The following CSMD3 variants were observed in gnomAD, a reference collection of about 807,000 sequenced individuals.
The protein encoded by CSMD3 is CUB and sushi domain-containing protein 3.
A neutral mutation model predicts 435.2 loss-of-function variants in CSMD3; 177 were observed. The ratio of observed to expected loss-of-function variants is 0.41; its 90% CI spans 0.36 to 0.46. The LOEUF is 0.46. Among genes scored for constraint, CSMD3 ranks in the 20% least tolerant of loss-of-function variants. The pLI is 0.34. For synonymous variants in CSMD3, 1,656 were observed against 1,520.5 expected (o/e 1.09, Z -2.07); for missense variants, 4,265 against 4,504.6 (o/e 0.95, Z 1.52).
chr8:113,021,925 A>G (rs1587906506), intron 5 of CSMD3, among the ~76,000 whole-genome samples: 1 of 152,210 alleles, frequency 6.6e-6, no homozygotes, highest in Non-Finnish European at 1.5e-5. Context: ...AGATAAGCCA[A>G]GAAACTGAAC....
intron 13 of CSMD3, among the ~76,000 whole-genome samples, chr8:112,724,450 G>T (rs9649935): frequency 0.33 from 50,513 of 151,890 alleles, 9,265 homozygotes; most frequent in African/African-American, 0.5. Flanking sequence ...ATCATGAAAT[G>T]ATGAGAGAAA....
chr8:112,422,562 T>C (rs1403021947), intron 32 of CSMD3, among the ~76,000 whole-genome samples: 2 of 152,184 alleles, frequency 1.3e-5, no homozygotes, highest in Non-Finnish European at 2.9e-5. Flanking sequence ...TGTGTGCCCT[T>C]GAACATGCTA....
rs2075529906 is a variant in CSMD3 at position 112,666,524 on chromosome 8, TA to T, written c.2678-110del. ...CAAGTCTCTGCATATCCTTATTAAA[TA>T]GTTAATACTATTTTTGAAAGCAATG... On this transcript the variant is annotated intron_variant, in intron 16 of 70. Transcript: ENST00000297405. 4.5e-6 allele frequency: 4 copies of T among 891,388 alleles called. No homozygotes were observed. The African/African-American group carries it at 6.7e-5, about 15-fold the overall frequency. 55.2% of individuals were successfully genotyped at this position (891,388 alleles called of 1,614,324 possible).
At chr8:112,775,799 TCC>T (rs2078231555) in intron 13 of CSMD3, among the ~76,000 whole-genome samples, 2 of 152,028 alleles carry the variant, frequency 1.3e-5, no homozygotes, top group East Asian at 3.9e-4. Flanking sequence ...TTAACTATCT[TCC>T]ATCTTTGCAT....
intron 41 of CSMD3, 140 bp downstream of exon 41, chr8:112,345,957 C>T: frequency 1.5e-6 from 1 of 677,726 alleles, no homozygotes; most frequent in Non-Finnish European, 2.7e-6. Flanking sequence ...TTTCACTCTT[C>T]AATTTACATA....
Position 112,733,731 on chromosome 8 carries a change from G to A in CSMD3, c.1973-43681C>T, listed in dbSNP as rs376928096. 4.7e-4 allele frequency among the ~76,000 whole-genome samples: 72 copies of A among 152,068 alleles called. No homozygotes were observed. In the South Asian group the frequency reaches 0.015, roughly 31 times the overall value. On this transcript the variant is annotated intron_variant, in intron 13 of 70. Transcript: ENST00000297405. ...GTTAGTTCTAGTAAGAAAAAGACCA[G>A]TGAGAGAGATATAGCAAAGGAAGAG... is the stretch of plus-strand genomic sequence containing the variant.
At chr8:112,310,227 T>A in intron 50 of CSMD3, 1 of 152,370 alleles carries the variant, frequency 6.6e-6, no homozygotes, top group Non-Finnish European at 1.5e-5. Context: ...TTTGTTTTGT[T>A]TTGTTTTTTG....
At chr8:112,449,270 A>G (rs1815990717) in intron 32 of CSMD3, among the ~76,000 whole-genome samples, 1 of 152,302 alleles carries the variant, frequency 6.6e-6, no homozygotes, top group African/African-American at 2.4e-5. Flanking sequence ...AGGAAAAAAG[A>G]TTTATTTTGT....
At chr8:112,534,114 C>T (rs1305376304) in intron 27 of CSMD3, among the ~76,000 whole-genome samples, 2 of 151,984 alleles carry the variant, frequency 1.3e-5, no homozygotes, top group Admixed American at 1.3e-4. Flanking sequence ...ATTAAAAGAA[C>T]TAGAAAAGCA....
At chr8:112,284,421 TA>T (rs1189469338) in intron 58 of CSMD3, among the ~76,000 whole-genome samples, 2 of 151,866 alleles carry the variant, frequency 1.3e-5, no homozygotes, top group East Asian at 1.9e-4. Context: ...GTCCTAGTAT[TA>T]TTTTTTTGTG....
intron 59 of CSMD3, among the ~76,000 whole-genome samples, chr8:112,276,327 G>A (rs1005617630): frequency 6.6e-5 from 10 of 152,218 alleles, no homozygotes; most frequent in African/African-American, 1.4e-4. Context: ...TTGAGTAACT[G>A]TGACTTTTCC....
intron 25 of CSMD3, among the ~76,000 whole-genome samples, chr8:112,554,406 G>T (rs899965937): frequency 6.6e-6 from 1 of 151,788 alleles, no homozygotes; most frequent in Non-Finnish European, 1.5e-5. Flanking sequence ...CACCATTTAT[G>T]GTTTTTCATT....
At chr8:112,358,354 C>A (rs1254977311) in intron 38 of CSMD3, among the ~76,000 whole-genome samples, 1 of 152,078 alleles carries the variant, frequency 6.6e-6, no homozygotes, top group African/African-American at 2.4e-5. Flanking sequence ...TGAGTTAATG[C>A]TGAAATTAGT....
intron 3 of CSMD3, among the ~76,000 whole-genome samples, chr8:113,250,169 C>T (rs1448894685): frequency 6.6e-6 from 1 of 152,064 alleles, no homozygotes; most frequent in African/African-American, 2.4e-5. Flanking sequence ...GATATAATTA[C>T]ATCTAATCTT....
intron 32 of CSMD3, among the ~76,000 whole-genome samples, chr8:112,421,659 A>G (rs1812522347): frequency 6.8e-6 from 1 of 147,618 alleles, no homozygotes; most frequent in Non-Finnish European, 1.5e-5. Context: ...TATATATGTA[A>G]TATGTTATAT....
At chr8:113,296,344 C>A (rs2093721836) in intron 2 of CSMD3, among the ~76,000 whole-genome samples, 1 of 150,666 alleles carries the variant, frequency 6.6e-6, no homozygotes, top group Non-Finnish European at 1.5e-5. Flanking sequence ...CATGGTGAAA[C>A]CACATCTCTA....
chr8:113,133,309 A>C (rs2091331920), intron 4 of CSMD3, among the ~76,000 whole-genome samples: 1 of 152,156 alleles, frequency 6.6e-6, no homozygotes, highest in South Asian at 2.1e-4. Context: ...ACAAATGAAA[A>C]AATGCTCAAC....
At chr8:113,108,426 C>CAAA (rs35981917) in intron 4 of CSMD3, among the ~76,000 whole-genome samples, 1 of 129,824 alleles carries the variant, frequency 7.7e-6, no homozygotes. Flanking sequence ...GACGCCATCT[C>CAAA]AAAAAAAAAA....
At chr8:113,008,700 T>C (rs2131112021) in intron 6 of CSMD3, among the ~76,000 whole-genome samples, 1 of 151,832 alleles carries the variant, frequency 6.6e-6, no homozygotes, top group East Asian at 1.9e-4. Flanking sequence ...TGCATCTTTC[T>C]AGTACTATAT....
Sources: gnomAD v4.1 joint callset for allele counts (sites outside exome capture counted in the v4.1 genomes callset) on GRCh38, gnomAD v4.1.1 for gene constraint, MANE v1.5 for transcripts, NCBI Gene and HGNC (gene_info 2026-07-23, HGNC 2026-07-21) for gene names.